The following ARL15 variants were observed in gnomAD, a reference collection of about 807,000 sequenced individuals.
ARL15 encodes ADP-ribosylation factor-like protein 15.
Under a neutral mutation model 25.2 loss-of-function variants are expected in ARL15, and 19 were observed. The ratio of observed to expected loss-of-function variants is 0.75; its 90% CI spans 0.53 to 1.10. ARL15 has a LOEUF of 1.10. Ranked by LOEUF, ARL15 falls within the 50% of genes least tolerant of loss-of-function variation. ARL15 has a pLI of 0.00. For missense variants in ARL15, 220 were observed against 246.0 expected, an observed-to-expected ratio of 0.89 and a Z score of 0.71; for synonymous variants, 94 against 86.8, an observed-to-expected ratio of 1.08 and a Z score of -0.46.
chr5:54,132,492 A>G (rs922333161), intron 3 of ARL15, among the ~76,000 whole-genome samples: 1 of 152,156 alleles, frequency 6.6e-6, no homozygotes. Context: ...TAATCAATAG[A>G]CACAAATTAC....
intron 4 of ARL15, among the ~76,000 whole-genome samples, chr5:54,086,815 C>G (rs1751976942): frequency 6.6e-6 from 1 of 152,100 alleles, no homozygotes; most frequent in South Asian, 2.1e-4. Flanking sequence ...TTGCTTTTCA[C>G]AAAAACTGGA....
At chr5:54,193,795 C>A (rs568513523) in intron 1 of ARL15, among the ~76,000 whole-genome samples, 3 of 150,546 alleles carry the variant, frequency 2.0e-5, no homozygotes, top group Non-Finnish European at 4.4e-5. Context: ...CATAGGTGCT[C>A]AATAAATATT....
Position 54,261,810 on chromosome 5 carries a change from C to A in ARL15, c.48+48622G>T, listed in dbSNP as rs533996693. Among the ~76,000 whole-genome samples, 7 of 152,190 alleles carry A rather than the reference C, an allele frequency of 4.6e-5. No homozygotes were observed. In the South Asian group the frequency reaches 1.2e-3, roughly 27 times the overall value. On this transcript the variant is annotated intron_variant, in intron 1 of 4. Transcript: ENST00000504924. Reference sequence around the variant, plus strand: ...TTTTCGGGAGGGTGGGGGTCACTTGCTCTTATCATCTAGGAATGAACAAGC... The same window carrying A: ...TTTTCGGGAGGGTGGGGGTCACTTGATCTTATCATCTAGGAATGAACAAGC...
At chr5:53,898,402 G>A (rs1239127157) in intron 4 of ARL15, among the ~76,000 whole-genome samples, 4 of 152,110 alleles carry the variant, frequency 2.6e-5, no homozygotes, top group Non-Finnish European at 4.4e-5. Context: ...TTCTTTAAAC[G>A]TTTGGTAGAA....
intron 1 of ARL15, among the ~76,000 whole-genome samples, chr5:54,210,173 T>C (rs935961147): frequency 2.6e-5 from 4 of 152,220 alleles, no homozygotes; most frequent in Non-Finnish European, 4.4e-5. Flanking sequence ...TTATTAAGTA[T>C]TCTTCTAAAA....
At chr5:54,197,443 C>T (rs1227163581) in intron 1 of ARL15, among the ~76,000 whole-genome samples, 3 of 152,090 alleles carry the variant, frequency 2.0e-5, no homozygotes, top group Non-Finnish European at 4.4e-5. Flanking sequence ...AAAACTAATC[C>T]TTTTACCTGC....
intron 4 of ARL15, among the ~76,000 whole-genome samples, chr5:53,925,051 A>C (rs1188331080): frequency 2.2e-5 from 3 of 138,182 alleles, no homozygotes; most frequent in Non-Finnish European, 4.6e-5. Context: ...TTTCCTCCCA[A>C]GCTTCAATTT....
At chr5:54,239,753 G>A (rs1288844833) in intron 1 of ARL15, among the ~76,000 whole-genome samples, 1 of 152,090 alleles carries the variant, frequency 6.6e-6, no homozygotes, top group Non-Finnish European at 1.5e-5. Flanking sequence ...AACCATTTTG[G>A]ACAATGATGT....
At chr5:54,036,842 T>C (rs1421164101) in intron 4 of ARL15, among the ~76,000 whole-genome samples, 1 of 152,156 alleles carries the variant, frequency 6.6e-6, no homozygotes, top group South Asian at 2.1e-4. Context: ...ATTTCAAAAA[T>C]GGTTTTAGGT....
chr5:54,254,920 A>G (rs557383104), intron 1 of ARL15, among the ~76,000 whole-genome samples: 23 of 152,332 alleles, frequency 1.5e-4, no homozygotes, highest in African/African-American at 5.3e-4. Flanking sequence ...GCAACTCTAA[A>G]TTGGTTTCCA....
chr5:54,172,224 A>G (rs1754741239), intron 1 of ARL15, among the ~76,000 whole-genome samples: 1 of 152,164 alleles, frequency 6.6e-6, no homozygotes, highest in South Asian at 2.1e-4. Flanking sequence ...AAACCACACA[A>G]TCTGAATCTA....
chr5:54,077,132 T>G (rs1440979791), intron 4 of ARL15, among the ~76,000 whole-genome samples: 1 of 152,198 alleles, frequency 6.6e-6, no homozygotes, highest in Non-Finnish European at 1.5e-5. Context: ...ATATTGTCAT[T>G]CATTTACTCA....
At chr5:54,029,306 T>TACCACCACCACCAACACCACCACCACC (rs1561194917) in intron 4 of ARL15, among the ~76,000 whole-genome samples, 1 of 120,020 alleles carries the variant, frequency 8.3e-6, no homozygotes, top group Non-Finnish European at 1.8e-5. Flanking sequence ...TAAAAACAGT[T>TACCACCACCACCAACACCACCACCACC]ACCACCACCA....
intron 1 of ARL15, among the ~76,000 whole-genome samples, chr5:54,291,048 G>A (rs1183989792): frequency 6.6e-6 from 1 of 152,114 alleles, no homozygotes; most frequent in African/African-American, 2.4e-5. Context: ...AGGAGAACGT[G>A]GTCTAACAAC....
intron 1 of ARL15, among the ~76,000 whole-genome samples, chr5:54,287,057 T>C (rs572391838): frequency 9.2e-5 from 14 of 151,976 alleles, no homozygotes; most frequent in African/African-American, 3.1e-4. Flanking sequence ...TTGTTTATTT[T>C]TTTGTAGAGA....
At chr5:54,149,156 AT>A (rs1417015023) in intron 3 of ARL15, among the ~76,000 whole-genome samples, 3 of 152,240 alleles carry the variant, frequency 2.0e-5, no homozygotes, top group Non-Finnish European at 4.4e-5. Flanking sequence ...CATAAGGCAA[AT>A]GCAAAATGAA....
At chr5:54,269,631 G>T (rs556698707) in intron 1 of ARL15, among the ~76,000 whole-genome samples, 1 of 152,058 alleles carries the variant, frequency 6.6e-6, no homozygotes, top group African/African-American at 2.4e-5. Flanking sequence ...CAACATAGAG[G>T]ATTTTTTAAT....
intron 4 of ARL15, among the ~76,000 whole-genome samples, chr5:53,898,146 A>G (rs1213444146): frequency 6.6e-6 from 1 of 152,198 alleles, no homozygotes; most frequent in Non-Finnish European, 1.5e-5. Flanking sequence ...TTGCTATCTC[A>G]CAGGTGGCAG....
chr5:53,981,464 ACACAG>A (rs1748116075), intron 4 of ARL15, among the ~76,000 whole-genome samples: 1 of 152,182 alleles, frequency 6.6e-6, no homozygotes, highest in Non-Finnish European at 1.5e-5. Context: ...GATTCAGAGA[ACACAG>A]TCTGCAAGCA....
Sources: gnomAD v4.1 joint callset for allele counts (sites outside exome capture counted in the v4.1 genomes callset) on GRCh38, gnomAD v4.1.1 for gene constraint, MANE v1.5 for transcripts, NCBI Gene and HGNC (gene_info 2026-07-23, HGNC 2026-07-21) for gene names.